The following NXPH1 variants were observed in gnomAD, a reference collection of about 807,000 sequenced individuals.
The protein encoded by NXPH1 is neurexophilin 1.
Under a neutral mutation model 23.7 loss-of-function variants are expected in NXPH1, and 5 were observed. The observed-to-expected ratio is 0.21, with a 90% CI of 0.11 to 0.44. The LOEUF (loss-of-function observed/expected upper bound fraction) is 0.44. Among genes scored for constraint, NXPH1 ranks in the 20% least tolerant of loss-of-function variants. The pLI is 0.99. For synonymous variants in NXPH1, 144 were observed against 122.2 expected (o/e 1.18, Z -1.18); for missense variants, 324 against 321.6 (o/e 1.01, Z -0.06).
At chr7:8,579,319 A>G (rs932229262) in intron 2 of NXPH1, among the ~76,000 whole-genome samples, 2 of 152,124 alleles carry the variant, frequency 1.3e-5, no homozygotes, top group Non-Finnish European at 2.9e-5. Context: ...TAGAGTAAGG[A>G]ACTTCGCTAT....
intron 2 of NXPH1, among the ~76,000 whole-genome samples, chr7:8,521,884 G>T (rs111348993): frequency 6.6e-6 from 1 of 152,098 alleles, no homozygotes; most frequent in Admixed American, 6.6e-5. Context: ...ATGGAGATTT[G>T]GATAGGAGGA....
chr7:8,583,634 G>C (rs1250800306), intron 2 of NXPH1, among the ~76,000 whole-genome samples: 3 of 152,088 alleles, frequency 2.0e-5, no homozygotes, highest in Non-Finnish European at 4.4e-5. Flanking sequence ...CACTACCCTG[G>C]TGAAGGATGA....
chr7:8,595,494 C>G (rs898783273), intron 2 of NXPH1, among the ~76,000 whole-genome samples: 2 of 151,834 alleles, frequency 1.3e-5, no homozygotes, highest in African/African-American at 4.8e-5. Flanking sequence ...ATAGTAATTT[C>G]ATAATTTAGT....
intron 2 of NXPH1, among the ~76,000 whole-genome samples, chr7:8,467,004 C>T (rs1391570337): frequency 1.3e-5 from 2 of 152,074 alleles, no homozygotes; most frequent in African/African-American, 4.8e-5. Flanking sequence ...TAATAGCCTC[C>T]CCTCCTTCCA....
chr7:8,646,444 T>G (rs996274379), intron 2 of NXPH1, among the ~76,000 whole-genome samples: 1 of 152,198 alleles, frequency 6.6e-6, no homozygotes, highest in African/African-American at 2.4e-5. Context: ...CCTATCTTGA[T>G]TCACTTTATT....
chr7:8,565,434 A>AG (rs1460795287), intron 2 of NXPH1, among the ~76,000 whole-genome samples: 1 of 151,788 alleles, frequency 6.6e-6, no homozygotes, highest in Non-Finnish European at 1.5e-5. Flanking sequence ...TTTGTTGCTT[A>AG]AATCTGATTC....
chr7:8,599,974 G>T (rs1819320255), intron 2 of NXPH1, among the ~76,000 whole-genome samples: 1 of 152,044 alleles, frequency 6.6e-6, no homozygotes, highest in African/African-American at 2.4e-5. Flanking sequence ...TGAAAGATGT[G>T]GGATTGTGGG....
At chr7:8,633,730 A>C (rs781422379) in intron 2 of NXPH1, among the ~76,000 whole-genome samples, 1 of 152,234 alleles carries the variant, frequency 6.6e-6, no homozygotes, top group Non-Finnish European at 1.5e-5. Context: ...CCCATGGTTC[A>C]TCAAGCTGAA....
chr7:8,644,598 T>A (rs1160801019), intron 2 of NXPH1, among the ~76,000 whole-genome samples: 6 of 152,190 alleles, frequency 3.9e-5, no homozygotes, highest in Admixed American at 3.9e-4. Context: ...CATATTGGGA[T>A]TTCAGAAAGA....
intron 2 of NXPH1, among the ~76,000 whole-genome samples, chr7:8,460,466 G>T (rs1359651569): frequency 6.6e-6 from 1 of 152,148 alleles, no homozygotes. Flanking sequence ...AGCCTTGATA[G>T]CAAACTTGAC....
intron 2 of NXPH1, among the ~76,000 whole-genome samples, chr7:8,472,768 CATT>C (rs1816890057): frequency 6.6e-6 from 1 of 152,162 alleles, no homozygotes; most frequent in Non-Finnish European, 1.5e-5. Flanking sequence ...GGAATTGACT[CATT>C]AGCTGCAATA....
chr7:8,650,332 T>C (rs774776619), intron 2 of NXPH1, among the ~76,000 whole-genome samples: 13 of 152,230 alleles, frequency 8.5e-5, no homozygotes, highest in African/African-American at 2.9e-4. Flanking sequence ...TTCATCTACA[T>C]AGAAGAAACA....
chr7:8,512,077 G>A (rs1044559576), intron 2 of NXPH1, among the ~76,000 whole-genome samples: 7 of 152,096 alleles, frequency 4.6e-5, no homozygotes, highest in Non-Finnish European at 4.4e-5. Context: ...CTAGCCCCCT[G>A]AGTGTCCAAA....
intron 2 of NXPH1, among the ~76,000 whole-genome samples, chr7:8,743,716 C>G (rs1780409418): frequency 6.7e-6 from 1 of 149,736 alleles, no homozygotes; most frequent in African/African-American, 2.5e-5. Context: ...TTGAGTCTCG[C>G]TCTGTGGCCC....
intron 2 of NXPH1, among the ~76,000 whole-genome samples, chr7:8,682,213 C>T (rs1299771714): frequency 6.6e-6 from 1 of 152,148 alleles, no homozygotes; most frequent in Non-Finnish European, 1.5e-5. Context: ...GAAAATAATT[C>T]AGACCTCTAT....
chr7:8,673,066 T>C (rs570814548), intron 2 of NXPH1, among the ~76,000 whole-genome samples: 1 of 152,194 alleles, frequency 6.6e-6, no homozygotes, highest in Non-Finnish European at 1.5e-5. Context: ...GAAAACATCT[T>C]AGCAGGGTTG....
At chr7:8,471,998 A>G (rs976683795) in intron 2 of NXPH1, among the ~76,000 whole-genome samples, 1 of 151,680 alleles carries the variant, frequency 6.6e-6, no homozygotes, top group Admixed American at 6.6e-5. Context: ...GGCCATAAAA[A>G]TTTAAAATAT....
chr7:8,731,013 C>T (rs1780143936), intron 2 of NXPH1, among the ~76,000 whole-genome samples: 1 of 143,614 alleles, frequency 7.0e-6, no homozygotes, highest in Non-Finnish European at 1.5e-5. Flanking sequence ...CACATAGTTC[C>T]ATATTTCTTG....
chr7:8,718,608 G>A (rs1251841905), intron 2 of NXPH1, among the ~76,000 whole-genome samples: 1 of 152,108 alleles, frequency 6.6e-6, no homozygotes, highest in Admixed American at 6.5e-5. Flanking sequence ...TGTAAAACAG[G>A]GGGCAAGAGT....
Sources: allele counts gnomAD v4.1 joint callset (sites outside exome capture counted in the v4.1 genomes callset), GRCh38; gene constraint gnomAD v4.1.1; transcripts MANE v1.5; gene names NCBI Gene and HGNC (gene_info 2026-07-23, HGNC 2026-07-21).